PPP4R2: variants seen among roughly 807,000 people sequenced by gnomAD.
PPP4R2 encodes the protein serine/threonine-protein phosphatase 4 regulatory subunit 2.
A neutral mutation model predicts 47.2 loss-of-function variants in PPP4R2; 13 were observed. The ratio of observed to expected loss-of-function variants is 0.28; its 90% confidence interval spans 0.18 to 0.44. PPP4R2 has a LOEUF of 0.44. Ranked by LOEUF, PPP4R2 falls within the 20% of genes least tolerant of loss-of-function variation. The pLI, the probability that PPP4R2 is intolerant of heterozygous loss-of-function variation, is 1.00. For missense variants in PPP4R2, 421 were observed against 491.2 expected (o/e 0.86, Z 1.35); for synonymous variants, 151 against 163.3 (o/e 0.92, Z 0.57).
intron 2 of PPP4R2, among the ~76,000 whole-genome samples, chr3:73,026,427 C>A (rs1263301857): frequency 6.6e-6 from 1 of 152,124 alleles, no homozygotes; most frequent in East Asian, 1.9e-4. Flanking sequence ...CCTCCATTGA[C>A]CCTGAATTAG....
chr3:73,001,234 G>GT (rs1025129080), intron 2 of PPP4R2, among the ~76,000 whole-genome samples: 153 of 148,372 alleles, frequency 1.0e-3, no homozygotes, highest in African/African-American at 1.7e-3. Context: ...GTTTTAAAAA[G>GT]TTTTTTTTTT....
intron 2 of PPP4R2, among the ~76,000 whole-genome samples, chr3:73,041,751 A>G (rs955590977): frequency 2.6e-5 from 4 of 152,240 alleles, no homozygotes; most frequent in African/African-American, 9.6e-5. Flanking sequence ...AGAACTGGAA[A>G]TGTTAGGAAC....
intron 2 of PPP4R2, among the ~76,000 whole-genome samples, chr3:73,021,138 G>T (rs1306177532): frequency 2.0e-5 from 3 of 151,976 alleles, no homozygotes; most frequent in African/African-American, 4.8e-5. Context: ...TAACTAAGTT[G>T]TGTGTAGTAA....
At chr3:73,055,794 G>C (rs1035414748) in intron 3 of PPP4R2, among the ~76,000 whole-genome samples, 2 of 151,582 alleles carry the variant, frequency 1.3e-5, no homozygotes, top group Non-Finnish European at 2.9e-5. Context: ...TCAGCCTCCC[G>C]AGTAGCTAGG....
At chr3:73,035,870 C>A (rs1383228634) in intron 2 of PPP4R2, among the ~76,000 whole-genome samples, 1 of 152,170 alleles carries the variant, frequency 6.6e-6, no homozygotes, top group Non-Finnish European at 1.5e-5. Flanking sequence ...CCCACCTCTG[C>A]CTCCCAAAGT....
intron 3 of PPP4R2, among the ~76,000 whole-genome samples, chr3:73,056,246 C>T (rs1286869590): frequency 1.3e-5 from 2 of 152,186 alleles, no homozygotes; most frequent in Non-Finnish European, 2.9e-5. Flanking sequence ...CCCAGTGTCA[C>T]GCTTACTAAG....
At chr3:73,062,107 C>A in intron 5 of PPP4R2, 2 of 1,545,770 alleles carry the variant, frequency 1.3e-6, no homozygotes, top group Non-Finnish European at 1.7e-6. Flanking sequence ...AAATTGTATG[C>A]TTATGTTAAT....
intron 8 of PPP4R2, 112 bp from the exon 9 acceptor site, chr3:73,065,284 GC>G: frequency 7.7e-7 from 1 of 1,306,404 alleles, no homozygotes; most frequent in Admixed American, 2.8e-5. Flanking sequence ...TGTAGTTGCT[GC>G]TGAATTTCAG....
chr3:73,011,589 C>G (rs901037076), intron 2 of PPP4R2, among the ~76,000 whole-genome samples: 3 of 152,042 alleles, frequency 2.0e-5, no homozygotes, highest in Admixed American at 6.6e-5. Context: ...ACCTCATGTA[C>G]TGTGGGGTAT....
At chr3:73,059,197 T>C (rs1483945787) in intron 4 of PPP4R2, 67 bp downstream of exon 4, 2 of 780,238 alleles carry the variant, frequency 2.6e-6, no homozygotes, top group Non-Finnish European at 4.1e-6. Flanking sequence ...GAAAAGAACA[T>C]TGAGTAAGAT....
In PPP4R2 at chr3:73,064,948, A is replaced by G; in HGVS notation, c.735A>G (p.Val245=). Reference sequence around the variant, plus strand: ...CTGTGGAAGCTGAGGGGCATGAGGTAAAAAGACTCAGGTTTGACAAAGAAG... The same window carrying G: ...CTGTGGAAGCTGAGGGGCATGAGGTGAAAAGACTCAGGTTTGACAAAGAAG... ...EDAVEAEGHE[V]KRLRFDKEGE... The change falls in exon 8 of 9, where the codon GTA becomes GTG. Residue 245 remains valine (V), a synonymous_variant. Transcript: ENST00000356692. 1 of 1,613,908 alleles carries G rather than the reference A, an allele frequency of 6.2e-7. No individual in the cohort carries two copies. Among genetic ancestry groups the G allele is most frequent in the Non-Finnish European group, 8.5e-7 (1 of 1,179,822 alleles).
At chr3:73,023,807 C>A (rs866514480) in intron 2 of PPP4R2, among the ~76,000 whole-genome samples, 2 of 152,046 alleles carry the variant, frequency 1.3e-5, no homozygotes, top group African/African-American at 4.8e-5. Context: ...TGAAAGTATA[C>A]TTGAGCAAAC....
At chr3:73,020,920 C>A (rs1701947127) in intron 2 of PPP4R2, among the ~76,000 whole-genome samples, 1 of 151,938 alleles carries the variant, frequency 6.6e-6, no homozygotes, top group African/African-American at 2.4e-5. Context: ...TATGAGGGCT[C>A]CTCCTAAAGG....
chr3:73,019,413 G>T (rs1701914554), intron 2 of PPP4R2, among the ~76,000 whole-genome samples: 1 of 152,150 alleles, frequency 6.6e-6, no homozygotes, highest in South Asian at 2.1e-4. Context: ...TTACTCTGTT[G>T]CCCAGGCTGG....
intron 2 of PPP4R2, among the ~76,000 whole-genome samples, chr3:73,027,252 A>T (rs9816792): frequency 0.39 from 59,986 of 152,016 alleles, 12,327 homozygotes; most frequent in African/African-American, 0.46. Context: ...TCAGCCTCCC[A>T]AGTAGCTGGG....
rs557986033 is a variant in PPP4R2 at position 72,997,971 on chromosome 3, T to G, written c.35-106T>G. The G allele has an allele frequency of 3.8e-6, 3 of 796,422 alleles. No homozygotes were observed. The South Asian group carries it at 4.7e-5, about 12-fold the overall frequency. The allele number at this position is 796,422 out of a possible 1,614,324, so 49.3% of individuals were successfully genotyped here. A position where few individuals can be genotyped will look rare whatever the true frequency, so the allele number is the denominator to read the frequency against. ...TGGTTGAGAGGCCTTATTTTTTTAATTTTGTATTTAATTGATTTTTAATAA... is the reference window on the plus strand; with the variant it reads ...TGGTTGAGAGGCCTTATTTTTTTAAGTTTGTATTTAATTGATTTTTAATAA... On this transcript the variant is annotated intron_variant, in intron 1 of 8. Transcript: ENST00000356692.
chr3:73,006,685 T>G (rs1458391012), intron 2 of PPP4R2, among the ~76,000 whole-genome samples: 1 of 152,206 alleles, frequency 6.6e-6, no homozygotes, highest in African/African-American at 2.4e-5. Flanking sequence ...TGGGTCACTT[T>G]CAAGAGCTCA....
intron 2 of PPP4R2, among the ~76,000 whole-genome samples, chr3:73,025,660 T>C (rs937600790): frequency 1.3e-5 from 2 of 152,168 alleles, no homozygotes; most frequent in African/African-American, 4.8e-5. Flanking sequence ...GAGGGAACAG[T>C]GAGCAAAGGA....
chr3:73,007,815 T>A (rs1701643812), intron 2 of PPP4R2, among the ~76,000 whole-genome samples: 1 of 152,178 alleles, frequency 6.6e-6, no homozygotes, highest in South Asian at 2.1e-4. Context: ...AGAGGGAATT[T>A]TGTTTTATTT....
Sources: allele counts gnomAD v4.1 joint callset (sites outside exome capture counted in the v4.1 genomes callset), GRCh38; gene constraint gnomAD v4.1.1; transcripts MANE v1.5; gene names NCBI Gene and HGNC (gene_info 2026-07-23, HGNC 2026-07-21).